SPECC1: variants seen among roughly 807,000 people sequenced by gnomAD.
The protein encoded by SPECC1 is sperm antigen with calponin homology and coiled-coil domains 1, also known as cytospin-B.
A neutral mutation model predicts 104.1 loss-of-function variants in SPECC1; 62 were observed. That is an observed-to-expected ratio of 0.60 (90% CI 0.49 to 0.74). The LOEUF (loss-of-function observed/expected upper bound fraction) is 0.74, where lower values mean the gene tolerates loss of function less well. SPECC1 is among the 30% of genes least tolerant of loss of function. The pLI is 0.00. For missense variants in SPECC1, 1,306 were observed against 1,310.5 expected (o/e 1.00, Z 0.05); for synonymous variants, 513 against 501.6 (o/e 1.02, Z -0.30).
intron 2 of SPECC1, among the ~76,000 whole-genome samples, chr17:20,103,964 A>C (rs764552659): frequency 1.3e-5 from 2 of 152,106 alleles, no homozygotes; most frequent in African/African-American, 2.4e-5. Flanking sequence ...TCTGCTCAGG[A>C]CCCATTGTTC....
rs771868160 is a variant in SPECC1 at position 20,227,509 on chromosome 17, A to C, written c.1960A>C (p.Ser654Arg). Residue 654 changes from serine to arginine, a missense_variant, in exon 5 of 15, where the codon AGT becomes CGT. Ser to Arg is a moderately radical substitution (Grantham distance 110). Transcript: ENST00000395527. Reference sequence around the variant, plus strand: ...AAAGCTGCAAGAAAAAGCATCAGAGAGTGATGCAGAGATCAAAGACATGAA... The same window carrying C: ...AAAGCTGCAAGAAAAAGCATCAGAGCGTGATGCAGAGATCAAAGACATGAA... ...SLKLQEKASE[S>R]DAEIKDMKET... 3 of 1,613,312 alleles carry C rather than the reference A, an allele frequency of 1.9e-6. No homozygotes were observed. The highest frequency in any genetic ancestry group is 2.5e-6 in the Non-Finnish European group (3 of 1,179,762).
intron 12 of SPECC1, among the ~76,000 whole-genome samples, chr17:20,287,303 G>A (rs1397125821): frequency 1.3e-5 from 2 of 151,964 alleles, no homozygotes; most frequent in African/African-American, 4.8e-5. Context: ...TGTAGTCCCA[G>A]CTACTCGGGA....
At chr17:20,033,237 T>TA (rs1299896078) in intron 1 of SPECC1, among the ~76,000 whole-genome samples, 1 of 152,144 alleles carries the variant, frequency 6.6e-6, no homozygotes. Context: ...GTGCTGGGAT[T>TA]ACAGACATAA....
chr17:20,034,733 G>A (rs1385254913), intron 1 of SPECC1, among the ~76,000 whole-genome samples: 1 of 151,002 alleles, frequency 6.6e-6, no homozygotes, highest in African/African-American at 2.4e-5. Context: ...AGCCTCCCAA[G>A]TAGCTGGGAT....
Position 20,204,707 on chromosome 17 carries a change from G to A in SPECC1, c.658G>A (p.Gly220Ser), listed in dbSNP as rs1358729338. The A allele has an allele frequency of 6.2e-7, 1 of 1,614,042 alleles. No individual in the cohort carries two copies. The highest frequency in any genetic ancestry group is 1.3e-5 in the African/African-American group (1 of 74,984). The change falls in exon 4 of 15, where the codon GGT becomes AGT. Residue 220 changes from glycine to serine, a missense_variant. By Grantham distance (56) the Gly-to-Ser change is moderately conservative (BLOSUM62 0). Around this residue, in one of 2 missense-constraint regions of SPECC1, gnomAD observed 1,177 missense variants for 1,139.9 expected, o/e 1.03. Transcript: ENST00000395527. ...TGTCGATGGAACATCAGTCTCCCCA[G>A]GTGACACGGAACCTATGATAAGAGC... ...PNVDGTSVSP[G>S]DTEPMIRALE...
At chr17:20,239,681 T>C (rs2039103885) in intron 7 of SPECC1, among the ~76,000 whole-genome samples, 1 of 152,098 alleles carries the variant, frequency 6.6e-6, no homozygotes, top group African/African-American at 2.4e-5. Context: ...CAAAATACTA[T>C]TGCTGCTCTA....
chr17:20,232,171 G>A (rs1405158453), intron 6 of SPECC1, 29 bp from the exon 7 acceptor site: 1 of 1,612,858 alleles, frequency 6.2e-7, no homozygotes, highest in Non-Finnish European at 8.5e-7. Flanking sequence ...GCAGGCGTCT[G>A]ACATAAGGAT....
At chr17:20,061,734 C>G (rs2046190996) in intron 1 of SPECC1, among the ~76,000 whole-genome samples, 2 of 152,194 alleles carry the variant, frequency 1.3e-5, no homozygotes, top group Admixed American at 1.3e-4. Context: ...TTACTGACTT[C>G]AGTCCCATTT....
intron 10 of SPECC1, 58 bp downstream of exon 10, chr17:20,253,644 T>G (rs2039715132): frequency 6.7e-7 from 1 of 1,502,570 alleles, no homozygotes; most frequent in Non-Finnish European, 9.2e-7. Context: ...TTAACTTTTC[T>G]TCATTTCTCT....
At chr17:20,081,471 C>T (rs534731725) in intron 1 of SPECC1, among the ~76,000 whole-genome samples, 8 of 152,012 alleles carry the variant, frequency 5.3e-5, no homozygotes, top group East Asian at 3.9e-4. Flanking sequence ...GTGGGGTGTG[C>T]GTGTGAACCA....
intron 1 of SPECC1, among the ~76,000 whole-genome samples, chr17:20,043,624 G>A (rs1004686058): frequency 6.6e-6 from 1 of 152,138 alleles, no homozygotes; most frequent in Non-Finnish European, 1.5e-5. Context: ...ACATGACTCT[G>A]TTAATCTTTG....
intron 3 of SPECC1, among the ~76,000 whole-genome samples, chr17:20,169,848 T>A (rs1454411463): frequency 6.6e-6 from 1 of 152,224 alleles, no homozygotes; most frequent in Non-Finnish European, 1.5e-5. Flanking sequence ...GGATTTTACC[T>A]CTTGAATGTG....
Position 20,232,259 on chromosome 17 carries a change from C to T in SPECC1, c.2205C>T (p.Ala735=), listed in dbSNP as rs1397798630. ...QADLQTAVVV[A]NDIKCEAQQE... is the part of the protein sequence containing the mutation. ...ATCTGCAGACCGCAGTGGTGGTGGCCAATGACATCAAGTGTGAGGCCCAGC... is the reference window on the plus strand; with the variant it reads ...ATCTGCAGACCGCAGTGGTGGTGGCTAATGACATCAAGTGTGAGGCCCAGC... Residue 735 remains alanine, a synonymous_variant, in exon 7 of 15, where the codon GCC becomes GCT. Transcript: ENST00000395527. 1.2e-6 allele frequency: 2 copies of T among 1,614,152 alleles called. No individual in the cohort carries two copies. Among genetic ancestry groups the T allele is most frequent in the Admixed American group, 3.3e-5 (2 of 60,024 alleles).
At chr17:20,244,278 A>G (rs2039328861) in intron 7 of SPECC1, among the ~76,000 whole-genome samples, 1 of 152,210 alleles carries the variant, frequency 6.6e-6, no homozygotes. Context: ...CTTCATGAGA[A>G]TGGCTAGCAC....
At chr17:20,135,806 G>A (rs1430289494) in intron 3 of SPECC1, among the ~76,000 whole-genome samples, 1 of 152,144 alleles carries the variant, frequency 6.6e-6, no homozygotes, top group East Asian at 1.9e-4. Flanking sequence ...AACCATGTGT[G>A]GGGGACCAGA....
Position 20,205,490 on chromosome 17 carries a change from A to G in SPECC1, c.1441A>G (p.Arg481Gly). Reference protein sequence around the residue: ...TGILEQGRFEREKLLNIQQQL... With the variant: ...TGILEQGRFEGEKLLNIQQQL... ...TATTCTTGAACAGGGCCGCTTTGAA[A>G]GAGAGAAGCTACTCAACATTCAGCA... Residue 481 changes from arginine to glycine, a missense_variant, in exon 4 of 15, where the codon AGA becomes GGA. By Grantham distance (125) the Arg-to-Gly change is moderately radical. Around this residue, in one of 2 missense-constraint regions of SPECC1, gnomAD observed 1,177 missense variants for 1,139.9 expected, o/e 1.03. Coordinates refer to ENST00000395527, the MANE Select transcript of SPECC1 (RefSeq NM_001243439.2). 1 of 1,614,188 alleles carries G rather than the reference A, an allele frequency of 6.2e-7. No homozygotes were observed.
chr17:20,077,352 C>G (rs4350625), intron 1 of SPECC1, among the ~76,000 whole-genome samples: 1 of 152,004 alleles, frequency 6.6e-6, no homozygotes, highest in Non-Finnish European at 1.5e-5. Flanking sequence ...CTTTTTATAC[C>G]TCCAGCTTTT....
intron 12 of SPECC1, among the ~76,000 whole-genome samples, chr17:20,291,667 C>T (rs771302193): frequency 1.3e-5 from 2 of 152,056 alleles, no homozygotes; most frequent in Non-Finnish European, 2.9e-5. Flanking sequence ...GCTTCAGCCT[C>T]CCAAGTAGCT....
chr17:20,176,824 C>T (rs2034505073), intron 3 of SPECC1, among the ~76,000 whole-genome samples: 1 of 152,144 alleles, frequency 6.6e-6, no homozygotes, highest in African/African-American at 2.4e-5. Flanking sequence ...AGGATAATCT[C>T]TTTATCTCAA....
Sources: allele counts gnomAD v4.1 joint callset (sites outside exome capture counted in the v4.1 genomes callset), GRCh38; gene constraint gnomAD v4.1.1; regional missense constraint gnomAD v4.1.1; transcripts MANE v1.5; gene names NCBI Gene and HGNC (gene_info 2026-07-23, HGNC 2026-07-21).